Variants in EXOC6 observed in about 807,000 individuals in gnomAD.
EXOC6 encodes the protein exocyst complex component 6.
In EXOC6, 60 loss-of-function variants were observed where a neutral mutation model predicts 112.5. The ratio of observed to expected loss-of-function variants is 0.53; its 90% CI spans 0.43 to 0.66. The LOEUF (loss-of-function observed/expected upper bound fraction) is 0.66, where lower values mean the gene tolerates loss of function less well. EXOC6 is among the 30% of genes least tolerant of loss of function. The pLI is 0.00. For synonymous variants in EXOC6, 295 were observed against 308.0 expected (o/e 0.96, Z 0.44); for missense variants, 855 against 957.1 (o/e 0.89, Z 1.41).
At chr10:92,892,128 A>G (rs1446015018) in intron 1 of EXOC6, among the ~76,000 whole-genome samples, 1 of 151,978 alleles carries the variant, frequency 6.6e-6, no homozygotes, top group Non-Finnish European at 1.5e-5. Context: ...TCCCAAGACC[A>G]CTCTCAGGTT....
chr10:93,046,368 T>A (rs539252802), intron 20 of EXOC6, among the ~76,000 whole-genome samples: 1 of 152,316 alleles, frequency 6.6e-6, no homozygotes, highest in African/African-American at 2.4e-5. Context: ...ACCTCTAATG[T>A]CAATATACTG....
intron 20 of EXOC6, among the ~76,000 whole-genome samples, chr10:93,042,926 C>CTATTAT (rs146131116): frequency 2.8e-5 from 4 of 143,682 alleles, no homozygotes; most frequent in Non-Finnish European, 6.1e-5. Flanking sequence ...AGATATTTTA[C>CTATTAT]TATTATTATT....
intron 20 of EXOC6, among the ~76,000 whole-genome samples, chr10:93,029,855 A>G (rs2068774758): frequency 6.6e-6 from 1 of 151,566 alleles, no homozygotes; most frequent in Non-Finnish European, 1.5e-5. Context: ...TGGTTATTCA[A>G]TTGACCTAGC....
intron 1 of EXOC6, among the ~76,000 whole-genome samples, chr10:92,880,591 C>G (rs1447563676): frequency 6.6e-6 from 1 of 151,766 alleles, no homozygotes; most frequent in Non-Finnish European, 1.5e-5. Flanking sequence ...AAATATACAC[C>G]AAGTAGTGGG....
intron 20 of EXOC6, among the ~76,000 whole-genome samples, chr10:93,025,500 G>T (rs1166128617): frequency 6.6e-6 from 1 of 152,196 alleles, no homozygotes; most frequent in South Asian, 2.1e-4. Context: ...TATTGGCCTA[G>T]ATATATGAGT....
chr10:92,956,956 G>C (rs1334209218), intron 17 of EXOC6, among the ~76,000 whole-genome samples: 1 of 152,008 alleles, frequency 6.6e-6, no homozygotes, highest in East Asian at 1.9e-4. Context: ...TGTAAGTCAG[G>C]CTCTGAGCAC....
intron 20 of EXOC6, among the ~76,000 whole-genome samples, chr10:93,040,961 C>T (rs943418217): frequency 1.3e-4 from 20 of 152,242 alleles, no homozygotes; most frequent in Non-Finnish European, 2.5e-4. Context: ...AGCTGACCCG[C>T]TTTCATCAGA....
intron 18 of EXOC6, 50 bp from the exon 19 acceptor site, chr10:92,997,424 T>TCA: frequency 1.3e-6 from 2 of 1,539,008 alleles, no homozygotes; most frequent in South Asian, 1.2e-5. Context: ...TTATGATGTA[T>TCA]TTCTATGTGT....
At chr10:93,039,238 T>C (rs1845656997) in intron 20 of EXOC6, among the ~76,000 whole-genome samples, 1 of 152,254 alleles carries the variant, frequency 6.6e-6, no homozygotes, top group South Asian at 2.1e-4. Context: ...CTCTTAGATA[T>C]GCATTGCAGT....
intron 20 of EXOC6, among the ~76,000 whole-genome samples, chr10:93,047,568 GAGA>G (rs995461820): frequency 4.1e-4 from 62 of 151,970 alleles, no homozygotes; most frequent in African/African-American, 1.3e-3. Context: ...ACAAAAAGAG[GAGA>G]AGAAGAAGGT....
At chr10:92,930,610 A>G (rs745536641) in intron 9 of EXOC6, among the ~76,000 whole-genome samples, 2 of 152,042 alleles carry the variant, frequency 1.3e-5, no homozygotes, top group Non-Finnish European at 2.9e-5. Flanking sequence ...ATGAATATTG[A>G]CTCACTTCTT....
intron 1 of EXOC6, among the ~76,000 whole-genome samples, chr10:92,881,955 A>G (rs1460228489): frequency 6.6e-6 from 1 of 152,074 alleles, no homozygotes; most frequent in Non-Finnish European, 1.5e-5. Context: ...GCCTCCCAAG[A>G]CATGTGGAAC....
At chr10:93,041,871 C>T (rs1233838244) in intron 20 of EXOC6, among the ~76,000 whole-genome samples, 10 of 152,142 alleles carry the variant, frequency 6.6e-5, no homozygotes, top group Non-Finnish European at 1.5e-5. Flanking sequence ...GCCACCAAGC[C>T]CAGCTAATTT....
intron 13 of EXOC6, among the ~76,000 whole-genome samples, chr10:92,945,406 G>C (rs1274050904): frequency 6.6e-6 from 1 of 152,002 alleles, no homozygotes; most frequent in Non-Finnish European, 1.5e-5. Flanking sequence ...GGCTTTTGTT[G>C]CCTGTGCTTT....
At chr10:92,935,482 G>A (rs1431717561) in intron 11 of EXOC6, among the ~76,000 whole-genome samples, 3 of 151,952 alleles carry the variant, frequency 2.0e-5, no homozygotes, top group Non-Finnish European at 4.4e-5. Flanking sequence ...AATACATAGT[G>A]TCTCTTTTAT....
chr10:92,969,629 G>A (rs1404915057), intron 17 of EXOC6, among the ~76,000 whole-genome samples: 1 of 151,930 alleles, frequency 6.6e-6, no homozygotes, highest in Non-Finnish European at 1.5e-5. Flanking sequence ...TACTATACAT[G>A]TAGTTAGTAT....
At chr10:93,005,871 C>T (rs1261837567) in intron 19 of EXOC6, among the ~76,000 whole-genome samples, 1 of 152,162 alleles carries the variant, frequency 6.6e-6, no homozygotes, top group Non-Finnish European at 1.5e-5. Context: ...TGGATAAAAA[C>T]TTAACCTGCT....
intron 13 of EXOC6, among the ~76,000 whole-genome samples, chr10:92,946,728 A>C (rs1372265292): frequency 6.6e-6 from 1 of 152,070 alleles, no homozygotes; most frequent in African/African-American, 2.4e-5. Context: ...ACCCCCCCAC[A>C]CACTAACGCT....
At chr10:93,052,638 G>A (rs2134379259) in intron 20 of EXOC6, among the ~76,000 whole-genome samples, 1 of 152,292 alleles carries the variant, frequency 6.6e-6, no homozygotes, top group Non-Finnish European at 1.5e-5. Flanking sequence ...TAGAACTCAA[G>A]CACATGATTT....
Sources: gnomAD v4.1 joint callset for allele counts (sites outside exome capture counted in the v4.1 genomes callset) on GRCh38, gnomAD v4.1.1 for gene constraint, MANE v1.5 for transcripts, NCBI Gene and HGNC (gene_info 2026-07-23, HGNC 2026-07-21) for gene names.